The following DSP variants were observed in gnomAD, a reference collection of about 807,000 sequenced individuals.
The protein encoded by DSP is desmoplakin, also known as 250/210 kDa paraneoplastic pemphigus antigen.
DSP carries 114 observed loss-of-function variants against 290.6 expected under a neutral mutation model. The ratio of observed to expected loss-of-function variants is 0.39; its 90% confidence interval spans 0.34 to 0.46. The LOEUF (loss-of-function observed/expected upper bound fraction) is 0.46, where lower values mean the gene tolerates loss of function less well. DSP is among the 20% of genes least tolerant of loss of function. DSP has a pLI of 0.99. For missense variants in DSP, 3,230 were observed against 3,495.8 expected, an observed-to-expected ratio of 0.92 and a Z score of 1.92; for synonymous variants, 1,311 against 1,316.4, an observed-to-expected ratio of 1.00 and a Z score of 0.09.
intron 1 of DSP, among the ~76,000 whole-genome samples, chr6:7,554,697 T>C (rs1364410906): frequency 6.6e-6 from 1 of 152,100 alleles, no homozygotes; most frequent in East Asian, 1.9e-4. Context: ...GAGGCAAGAG[T>C]GCAGTGCTGT....
Position 7,574,187 on chromosome 6 carries a change from T to C in DSP, c.2232T>C (p.Asn744=). 6.2e-7 allele frequency: 1 copy of C among 1,614,084 alleles called. No homozygotes were observed. Among genetic ancestry groups the C allele is most frequent in the Non-Finnish European group, 8.5e-7 (1 of 1,179,942 alleles). The change falls in exon 16 of 24, where the codon AAT becomes AAC. Residue 744 remains asparagine, a synonymous_variant. Coordinates refer to ENST00000379802, the MANE Select transcript of DSP (RefSeq NM_004415.4). ...CTGAAAAGTACTGCTATTTACAGAA[T>C]GAAGTATTTGGACTATTTCAGAAAC... ...RGSEKYCYLQ[N]EVFGLFQKLE... is the part of the protein sequence containing the mutation.
chr6:7,562,411 AG>A (rs1357966096), intron 4 of DSP, among the ~76,000 whole-genome samples: 1 of 147,090 alleles, frequency 6.8e-6, no homozygotes, highest in African/African-American at 2.5e-5. Flanking sequence ...CTTGGTTTTC[AG>A]GTTCCCATTT....
In DSP at chr6:7,585,014, C is replaced by T. The variant is rs1554109092; in HGVS notation, c.7752C>T (p.Ser2584=). 6.2e-7 allele frequency: 1 copy of T among 1,614,074 alleles called. No homozygotes were observed. The highest frequency in any genetic ancestry group is 1.1e-5 in the South Asian group (1 of 91,078). ...GSGVSDDVFS[S]SRHESVSKIS... ...GTGTCAGCGATGATGTTTTTAGCAG[C>T]TCCCGACATGAATCAGTAAGTAAGA... Residue 2584 remains serine, a synonymous_variant, in exon 24 of 24, where the codon AGC becomes AGT. Transcript: ENST00000379802.
chr6:7,585,094 A>T lies in DSP; in HGVS notation c.7832A>T (p.Asp2611Val). The T allele has an allele frequency of 6.2e-7, 1 of 1,614,082 alleles. No homozygotes were observed. Reference protein sequence around the residue: ...NLTIRSSSFSDTLEESSPIAA... With the variant: ...NLTIRSSSFSVTLEESSPIAA... Reference sequence around the variant, plus strand: ...ACCATAAGGAGCAGCTCTTTTTCAGACACCCTGGAAGAATCGAGCCCCATT... The same window carrying T: ...ACCATAAGGAGCAGCTCTTTTTCAGTCACCCTGGAAGAATCGAGCCCCATT... The change falls in exon 24 of 24, where the codon GAC (aspartate) becomes GTC (valine). Residue 2611 changes from aspartate (D) to valine (V), a missense_variant. By Grantham distance (152) the Asp-to-Val change is radical. This residue lies in a region of DSP where 582 missense variants were observed against 555.4 expected (regional missense o/e 1.05). Transcript: ENST00000379802.
intron 21 of DSP, 143 bp downstream of exon 21, chr6:7,578,029 T>C: frequency 2.9e-6 from 2 of 696,966 alleles, no homozygotes; most frequent in South Asian, 3.3e-5. Context: ...AGGGTACCAC[T>C]TTAAGAGGTT....
At chr6:7,560,172 T>A (rs185732976) in intron 4 of DSP, among the ~76,000 whole-genome samples, 1 of 152,314 alleles carries the variant, frequency 6.6e-6, no homozygotes, top group Non-Finnish European at 1.5e-5. Context: ...AATGTGGATG[T>A]GTTAGAGTGA....
At chr6:7,560,405 A>G (rs538700936) in intron 4 of DSP, among the ~76,000 whole-genome samples, 1 of 152,226 alleles carries the variant, frequency 6.6e-6, no homozygotes, top group African/African-American at 2.4e-5. Context: ...CTATTACAGA[A>G]GGTAAGGCTT....
At chr6:7,570,645 T>G in intron 13 of DSP, 82 bp downstream of exon 13, 1 of 1,590,592 alleles carries the variant, frequency 6.3e-7, no homozygotes, top group Non-Finnish European at 8.6e-7. Context: ...AGTTCAACCT[T>G]CTTGCTGTGT....
At chr6:7,573,242 C>G (rs1167327462) in intron 15 of DSP, among the ~76,000 whole-genome samples, 1 of 152,034 alleles carries the variant, frequency 6.6e-6, no homozygotes, top group Admixed American at 6.6e-5. Context: ...AGACACATGA[C>G]TATACACACA....
chr6:7,553,906 C>A (rs1034083313), intron 1 of DSP, among the ~76,000 whole-genome samples: 2 of 152,102 alleles, frequency 1.3e-5, no homozygotes, highest in African/African-American at 4.8e-5. Context: ...GGGAGCCTTG[C>A]CTGCAGGGAG....
chr6:7,548,252 G>A (rs563072692), intron 1 of DSP, among the ~76,000 whole-genome samples: 1 of 151,744 alleles, frequency 6.6e-6, no homozygotes, highest in Non-Finnish European at 1.5e-5. Flanking sequence ...GGGCAACAGA[G>A]CGAGACTCCG....
rs1581827504 is a variant in DSP at position 7,586,107 on chromosome 6, T to C, written c.*229T>C. Reference sequence around the variant, plus strand: ...CTTGGATGCAGTGCGTCTGAAGTGCTAATCAGTTGTAACAATAGCACAAAT... The same window carrying C: ...CTTGGATGCAGTGCGTCTGAAGTGCCAATCAGTTGTAACAATAGCACAAAT... On this transcript the variant is annotated 3_prime_UTR_variant, in exon 24 of 24. Coordinates refer to ENST00000379802, the MANE Select transcript of DSP (RefSeq NM_004415.4). 1.7e-5 allele frequency: 9 copies of C among 531,862 alleles called. No individual in the cohort carries two copies. The East Asian group carries it at 2.9e-4, about 17-fold the overall frequency. 32.9% of individuals were successfully genotyped at this position (531,862 alleles called of 1,614,324 possible). A position where few individuals can be genotyped will look rare whatever the true frequency, so the allele number is the denominator to read the frequency against.
rs370093129 is a variant in DSP, at chr6:7,583,509, C to G, written c.6247C>G (p.Arg2083Gly). The G allele has an allele frequency of 2.5e-6, 4 of 1,613,946 alleles. No homozygotes were observed. The highest frequency in any genetic ancestry group is 3.3e-5 in the Admixed American group (2 of 60,002). Residue 2083 changes from arginine to glycine, a missense_variant, in exon 24 of 24, where the codon CGT becomes GGT. Transcript: ENST00000379802. The surrounding 1 kb of genome is among the most constrained non-coding windows in gnomAD (Gnocchi z 4.0). Reference protein sequence around the residue: ...IARDLIDFDDRQQIYAAEKAI... With the variant: ...IARDLIDFDDGQQIYAAEKAI... Reference sequence around the variant, plus strand: ...TCGGGACCTCATTGACTTCGATGACCGTCAGCAGATATATGCAGCAGAAAA... The same window carrying G: ...TCGGGACCTCATTGACTTCGATGACGGTCAGCAGATATATGCAGCAGAAAA...
At chr6:7,561,210 C>T (rs1284558153) in intron 4 of DSP, among the ~76,000 whole-genome samples, 1 of 152,140 alleles carries the variant, frequency 6.6e-6, no homozygotes, top group East Asian at 1.9e-4. Context: ...CCTTGGCCTC[C>T]CAAAGTATTG....
intron 3 of DSP, among the ~76,000 whole-genome samples, chr6:7,558,922 G>A (rs1314335712): frequency 6.6e-6 from 1 of 152,090 alleles, no homozygotes; most frequent in African/African-American, 2.4e-5. Flanking sequence ...CTACTACCTG[G>A]GGCCCAGGGT....
At chr6:7,560,620 T>TG (rs2113661901) in intron 4 of DSP, among the ~76,000 whole-genome samples, 1 of 152,316 alleles carries the variant, frequency 6.6e-6, no homozygotes, top group South Asian at 2.1e-4. Context: ...GCCAAATTTC[T>TG]GTCTAGATCA....
At chr6:7,560,770 A>G (rs970861346) in intron 4 of DSP, among the ~76,000 whole-genome samples, 9 of 152,192 alleles carry the variant, frequency 5.9e-5, no homozygotes, top group African/African-American at 2.2e-4. Context: ...CAGCCTTCCA[A>G]TCAAATTAGT....
At chr6:7,542,335 G>C (rs1195563634) in intron 1 of DSP, among the ~76,000 whole-genome samples, 1 of 152,168 alleles carries the variant, frequency 6.6e-6, no homozygotes, top group Non-Finnish European at 1.5e-5. Context: ...CGGGCGGGTG[G>C]TCAGAGGGGG....
At position 7,580,079 on chromosome 6, in the gene DSP, C is replaced by T. The variant is rs1356287373; in HGVS notation, c.3889C>T (p.Gln1297Ter). 6.2e-7 allele frequency: 1 copy of T among 1,614,090 alleles called. No homozygotes were observed. The highest frequency in any genetic ancestry group is 8.5e-7 in the Non-Finnish European group (1 of 1,180,004). ...GCAGCATCTGGAGATAGAACTGAAG[C>T]AGGTCATGCAGCAGCGCTCTGAGGA... Reference protein sequence around the residue: ...KKQHLEIELKQVMQQRSEDNA... With the variant: ...KKQHLEIELK The change falls in exon 23 of 24, where the codon CAG (glutamine) becomes TAG (stop). Residue 1297 changes from glutamine to a stop codon, truncating the protein, a stop_gained. Transcript: ENST00000379802. LOFTEE classifies it high-confidence loss of function. The surrounding 1 kb of genome is among the most constrained non-coding windows in gnomAD (Gnocchi z 4.2).
Sources: allele counts gnomAD v4.1 joint callset (sites outside exome capture counted in the v4.1 genomes callset), GRCh38; gene constraint gnomAD v4.1.1; regional missense constraint gnomAD v4.1.1; non-coding constraint Gnocchi (gnomAD v3.1); transcripts MANE v1.5; gene names NCBI Gene and HGNC (gene_info 2026-07-23, HGNC 2026-07-21).